The following HMCN2 variants were observed in gnomAD, a reference collection of about 807,000 sequenced individuals.
HMCN2 encodes the protein hemicentin-2.
A neutral mutation model predicts 377.5 loss-of-function variants in HMCN2; 325 were observed. That is an observed-to-expected ratio of 0.86 (90% CI 0.79 to 0.94). HMCN2 has a LOEUF of 0.94. Among genes scored for constraint, HMCN2 ranks in the 40% least tolerant of loss-of-function variants. The pLI is 0.00. For missense variants in HMCN2, 4,543 were observed against 4,725.3 expected, an observed-to-expected ratio of 0.96 and a Z score of 1.13; for synonymous variants, 2,007 against 2,046.8, an observed-to-expected ratio of 0.98 and a Z score of 0.53.
chr9:130,387,392 G>A lies in HMCN2; in HGVS notation c.9391+868G>A, dbSNP rs183562625. On this transcript the variant is annotated intron_variant, in intron 61 of 97. Transcript: ENST00000683500. ...GCTCCATGCGGTAGTTAAGGGACCCGGGTTCCTTCCCTCCTGTTGATCTTC... is the reference window on the plus strand; with the variant it reads ...GCTCCATGCGGTAGTTAAGGGACCCAGGTTCCTTCCCTCCTGTTGATCTTC... Among the ~76,000 whole-genome samples, 681 of 152,294 alleles carry A rather than the reference G, an allele frequency of 4.5e-3. 19 individuals carry two copies. The highest frequency in any genetic ancestry group is 0.029 in the East Asian group (148 of 5,190).
At chr9:130,311,505 C>T (rs1837239264) in intron 15 of HMCN2, among the ~76,000 whole-genome samples, 1 of 152,206 alleles carries the variant, frequency 6.6e-6, no homozygotes, top group Non-Finnish European at 1.5e-5. Context: ...CTTTGTGTTG[C>T]TCATGAGCTC....
Position 130,368,379 on chromosome 9 carries a change from C to T in HMCN2, c.6729C>T (p.Thr2243=). The T allele has an allele frequency of 2.0e-6, 2 of 986,014 alleles. No homozygotes were observed. Among genetic ancestry groups the T allele is most frequent in the Non-Finnish European group, 2.4e-6 (2 of 830,134 alleles). 61.1% of individuals were successfully genotyped at this position (986,014 alleles called of 1,614,324 possible). The stretch of plus-strand genomic sequence containing the variant: ...AGCTGGCTCAGGAAGGAACATACAC[C>T]TGTGAATGCAGCAACGTGGTGGGGA... ...QAQLAQEGTY[T]CECSNVVGNS... Residue 2243 remains threonine (T), a synonymous_variant, in exon 44 of 98, where the codon ACC becomes ACT. Coordinates refer to ENST00000683500, the MANE Select transcript of HMCN2 (RefSeq NM_001291815.2).
chr9:130,400,481 G>A (rs921070706), intron 76 of HMCN2: 1 of 194,522 alleles, frequency 5.1e-6, no homozygotes, highest in Non-Finnish European at 1.1e-5. Flanking sequence ...AGCAGATCAA[G>A]GCTCTCATGT....
In HMCN2 at chr9:130,403,131, C is replaced by T. The variant is rs541809971; in HGVS notation, c.11879-63C>T. The T allele has an allele frequency of 5.7e-5, 71 of 1,245,530 alleles. 1 individual carries two copies. In the East Asian group the frequency reaches 1.4e-3, roughly 24 times the overall value. The allele number at this position is 1,245,530 out of a possible 1,614,324, so 77.2% of individuals were successfully genotyped here. On this transcript the variant is annotated intron_variant, in intron 78 of 97. Transcript: ENST00000683500. ...CCTCTCTCTCTGATGCTCCGAGGCC[C>T]GCTGGTTGGAGGAGTTGTGTTAAGG...
Position 130,360,315 on chromosome 9 carries a change from CAT to C in HMCN2, c.5774-112_5774-111del. 6.9e-6 allele frequency: 4 copies of C among 577,622 alleles called. No individual in the cohort carries two copies. Among genetic ancestry groups the C allele is most frequent in the Non-Finnish European group, 7.6e-6 (3 of 395,008 alleles). The allele number at this position is 577,622 out of a possible 1,614,324, so 35.8% of individuals were successfully genotyped here. A position where few individuals can be genotyped will look rare whatever the true frequency, so the allele number is the denominator to read the frequency against. ...TGCTTCTCTCTTCCATTCCCCCTTG[CAT>C]CTCTCTTCCTTTCCCCCTTGCATCT... On this transcript the variant is annotated intron_variant, in intron 37 of 97. Coordinates refer to ENST00000683500, the MANE Select transcript of HMCN2 (RefSeq NM_001291815.2). The surrounding 1 kb of genome is among the most constrained non-coding windows in gnomAD (Gnocchi z 4.7).
At position 130,388,636 on chromosome 9, in the gene HMCN2, G is replaced by T. The variant is rs1207434793; in HGVS notation, c.9523+96G>T. 6.7e-6 allele frequency: 6 copies of T among 892,548 alleles called. No homozygotes were observed. In the African/African-American group the frequency reaches 1.1e-4, roughly 16 times the overall value. The allele number at this position is 892,548 out of a possible 1,614,324, so 55.3% of individuals were successfully genotyped here. ...ACGAAGGAAGTTATTGGTTGTTGAT[G>T]ATCTTGGCAAAACCAGAGACTGGCA... On this transcript the variant is annotated intron_variant, in intron 62 of 97. Coordinates refer to ENST00000683500, the MANE Select transcript of HMCN2 (RefSeq NM_001291815.2).
rs984441914 is a variant in HMCN2 at position 130,347,566 on chromosome 9, G to A, written c.4024+206G>A. On this transcript the variant is annotated intron_variant, in intron 26 of 97. Coordinates refer to ENST00000683500, the MANE Select transcript of HMCN2 (RefSeq NM_001291815.2). This position sits in a 1 kb window ranked among gnomAD's most constrained non-coding sequence, Gnocchi z 5.1. ...CAGGAGAATCAGGTCCTGCCACCAG[G>A]TGCCAGTGACAGGGAGGGCTTGAGG... 3.3e-5 allele frequency among the ~76,000 whole-genome samples: 5 copies of A among 152,192 alleles called. No homozygotes were observed. Among genetic ancestry groups the A allele is most frequent in the Non-Finnish European group, 7.4e-5 (5 of 68,020 alleles).
In HMCN2 at chr9:130,360,221, G is replaced by T. The variant is rs1309877161; in HGVS notation, c.5774-207G>T. ...CTTCTCCAATGCCTGAAAAAATAGT[G>T]TGGTCACCCTGGAAGTTTCTCTTGG... On this transcript the variant is annotated intron_variant, in intron 37 of 97. Coordinates refer to ENST00000683500, the MANE Select transcript of HMCN2 (RefSeq NM_001291815.2). This position sits in a 1 kb window ranked among gnomAD's most constrained non-coding sequence, Gnocchi z 4.7. 2.0e-5 allele frequency among the ~76,000 whole-genome samples: 3 copies of T among 152,150 alleles called. No homozygotes were observed. Among genetic ancestry groups the T allele is most frequent in the Admixed American group, 2.0e-4 (3 of 15,284 alleles).
rs868204870 is a variant in HMCN2, at chr9:130,431,405, G to A, written c.14686G>A (p.Ala4896Thr). The change falls in exon 96 of 98, where the codon GCC (alanine) becomes ACC (threonine). Residue 4896 changes from alanine (A) to threonine (T), a missense_variant. By Grantham distance (58) the Ala-to-Thr change is moderately conservative. Transcript: ENST00000683500. ...CCGCGTGAGGAACCTGTGTCAGCAC[G>A]CCTGCCGCAACACTGAGGGCAGCTA... Reference protein sequence around the residue: ...ECRVRNLCQHACRNTEGSYQC... With the variant: ...ECRVRNLCQHTCRNTEGSYQC... 1.2e-5 allele frequency: 19 copies of A among 1,549,824 alleles called. No individual in the cohort carries two copies. The highest frequency in any genetic ancestry group is 4.9e-5 in the East Asian group (2 of 40,916).
chr9:130,428,470 T>A lies in HMCN2; in HGVS notation c.14178T>A (p.Ala4726=). Residue 4726 remains alanine, a synonymous_variant, in exon 93 of 98, where the codon GCT becomes GCA. Transcript: ENST00000683500. The surrounding 1 kb of genome is among the most constrained non-coding windows in gnomAD (Gnocchi z 5.0). ...LPDCGPGFRV[A]DGAGCEDVDE... ...ACTGTGGGCCTGGCTTCCGGGTGGC[T>A]GATGGGGCCGGCTGTGAAGGTGATG... 1 of 1,542,374 alleles carries A rather than the reference T, an allele frequency of 6.5e-7. No individual in the cohort carries two copies. Among genetic ancestry groups the A allele is most frequent in the Non-Finnish European group, 8.7e-7 (1 of 1,146,904 alleles).
chr9:130,313,631 G>A (rs1837388690), intron 15 of HMCN2, among the ~76,000 whole-genome samples: 1 of 152,010 alleles, frequency 6.6e-6, no homozygotes, highest in African/African-American at 2.4e-5. Context: ...TCCAGGCTGG[G>A]TGAGCTGACC....
intron 1 of HMCN2, among the ~76,000 whole-genome samples, chr9:130,271,841 C>T (rs1834426894): frequency 6.7e-6 from 1 of 149,196 alleles, no homozygotes; most frequent in Non-Finnish European, 1.5e-5. Flanking sequence ...TGTGTTTGTA[C>T]TTGTATCTAT....
In HMCN2 at chr9:130,304,753, G is replaced by A. The variant is rs144095442; in HGVS notation, c.1567G>A (p.Ala523Thr). The A allele has an allele frequency of 1.2e-3, 586 of 468,994 alleles. 5 individuals carry two copies. The highest frequency in any genetic ancestry group is 0.01 in the African/African-American group (510 of 50,152). The allele number at this position is 468,994 out of a possible 1,614,324, so 29.1% of individuals were successfully genotyped here. The change falls in exon 11 of 98, where the codon GCT (alanine) becomes ACT (threonine). Residue 523 changes from alanine to threonine, a missense_variant. By Grantham distance (58) the Ala-to-Thr change is moderately conservative (BLOSUM62 0). This residue lies in a region of HMCN2 where 547 missense variants were observed against 189.9 expected (regional missense o/e 2.88). Transcript: ENST00000683500. This position sits in a 1 kb window ranked among gnomAD's most constrained non-coding sequence, Gnocchi z 4.3. ...VTDPPPQLVP[A>T]PNVTVSPGET... is the part of the protein sequence containing the mutation. Reference sequence around the variant, plus strand: ...AGACCCCCCGCCGCAGCTGGTCCCTGCTCCCAACGTGACCGTGTCCCCAGG... The same window carrying A: ...AGACCCCCCGCCGCAGCTGGTCCCTACTCCCAACGTGACCGTGTCCCCAGG...
In HMCN2 at chr9:130,367,003, C is replaced by A. The variant is rs577540447; in HGVS notation, c.6625+1008C>A. Among the ~76,000 whole-genome samples, 3 of 152,038 alleles carry A rather than the reference C, an allele frequency of 2.0e-5. No homozygotes were observed. In the East Asian group the frequency reaches 5.8e-4, roughly 29 times the overall value. On this transcript the variant is annotated intron_variant, in intron 43 of 97. Transcript: ENST00000683500. ...GGGTGGCCAGGAATGCTCGACCAAG[C>A]GGACTTGAAAAGCTAAGGGCTGAAC...
intron 1 of HMCN2, among the ~76,000 whole-genome samples, chr9:130,279,439 G>A (rs1432136772): frequency 1.3e-5 from 2 of 151,860 alleles, no homozygotes; most frequent in Non-Finnish European, 1.5e-5. Flanking sequence ...TGCAACCTCT[G>A]CCTCCCAGGT....
intron 90 of HMCN2, among the ~76,000 whole-genome samples, chr9:130,426,249 C>CG (rs1844356546): frequency 6.6e-6 from 1 of 152,228 alleles, no homozygotes; most frequent in Non-Finnish European, 1.5e-5. Flanking sequence ...CTCCCGAGGG[C>CG]ACCTGCACTG....
At chr9:130,406,884 A>G (rs545826142) in intron 82 of HMCN2, 5 of 153,926 alleles carry the variant, frequency 3.2e-5, no homozygotes, top group African/African-American at 4.8e-5. Flanking sequence ...TAGATGCCCA[A>G]TTGATGGTAC....
At chr9:130,408,651 G>A in intron 83 of HMCN2, 92 bp from the exon 84 acceptor site, 1 of 905,942 alleles carries the variant, frequency 1.1e-6, no homozygotes, top group Non-Finnish European at 1.5e-6. Flanking sequence ...GGCCCCTGGA[G>A]GCAGGAGTTG....
At chr9:130,322,086 T>A (rs2131404305) in intron 19 of HMCN2, among the ~76,000 whole-genome samples, 155 bp downstream of exon 19, 1 of 152,186 alleles carries the variant, frequency 6.6e-6, no homozygotes, top group South Asian at 2.1e-4. Flanking sequence ...TTTGACAAGT[T>A]AAAAAAATAC....
Sources: gnomAD v4.1 joint callset for allele counts (sites outside exome capture counted in the v4.1 genomes callset) on GRCh38, gnomAD v4.1.1 for gene constraint, gnomAD v4.1.1 regional missense constraint, Gnocchi (gnomAD v3.1) non-coding constraint, MANE v1.5 for transcripts, NCBI Gene and HGNC (gene_info 2026-07-23, HGNC 2026-07-21) for gene names.